Variants in IL4I1 observed in about 807,000 individuals in gnomAD.
The protein encoded by IL4I1 is interleukin 4 induced 1, also known as L-amino-acid oxidase.
A neutral mutation model predicts 29.7 loss-of-function variants in IL4I1; 24 were observed. The observed-to-expected ratio is 0.81, with a 90% CI of 0.59 to 1.14. IL4I1 has a LOEUF of 1.14. Among genes scored for constraint, IL4I1 ranks in the 50% most tolerant of loss-of-function variants. The pLI, the probability that IL4I1 is intolerant of heterozygous loss-of-function variation, is 0.00. For synonymous variants in IL4I1, 371 were observed against 352.5 expected (o/e 1.05, Z -0.59); for missense variants, 686 against 785.6 (o/e 0.87, Z 1.52).
In IL4I1 at chr19:49,890,964, C is replaced by CCCCCCCCCCCCCCCCCCCT; in HGVS notation, c.773+6_773+7insAGGGGGGGGGGGGGGGGGG. ...CCCCCCCCCTGCCCGCCAGCCCCGC[C>CCCCCCCCCCCCCCCCCCCT]CCTTACTGGAGTCTGTCGCTGAGGC... On this transcript the variant is annotated splice_region_variant and intron_variant, in intron 7 of 7. Coordinates refer to ENST00000391826, the MANE Select transcript of IL4I1 (RefSeq NM_152899.2). 6.6e-7 allele frequency: 1 copy of CCCCCCCCCCCCCCCCCCCT among 1,513,536 alleles called. No homozygotes were observed. The highest frequency in any genetic ancestry group is 8.9e-7 in the Non-Finnish European group (1 of 1,127,920). 93.8% of individuals were successfully genotyped at this position (1,513,536 alleles called of 1,614,324 possible).
At chr19:49,917,231 C>T (rs187146347) in intron 2 of IL4I1, among the ~76,000 whole-genome samples, 76 of 152,332 alleles carry the variant, frequency 5.0e-4, no homozygotes, top group Admixed American at 5.0e-3. Flanking sequence ...CCTGCTGAGG[C>T]TCAGACGCCG....
chr19:49,927,197 GGGGAAACTGAGGCACA>G (rs1457449555), intron 2 of IL4I1, among the ~76,000 whole-genome samples: 13 of 152,144 alleles, frequency 8.5e-5, no homozygotes, highest in African/African-American at 3.1e-4. Flanking sequence ...TCGTACCACA[GGGGAAACTGAGGCACA>G]GGGAAGGGAA....
intron 6 of IL4I1, 49 bp downstream of exon 6, chr19:49,891,356 G>A (rs1324576077): frequency 1.3e-6 from 2 of 1,585,124 alleles, no homozygotes; most frequent in Non-Finnish European, 1.7e-6. Flanking sequence ...AAGGCCTCAT[G>A]GTCACTCTCT....
At chr19:49,918,246 G>T (rs541267031) in intron 2 of IL4I1, among the ~76,000 whole-genome samples, 1 of 152,120 alleles carries the variant, frequency 6.6e-6, no homozygotes, top group South Asian at 2.1e-4. Flanking sequence ...TCGATTTTTT[G>T]TAGAGATGGG....
In IL4I1 at chr19:49,904,545, C is replaced by T. The variant is rs572092539; in HGVS notation, c.-227-224G>A. ...TCCTTTGGGGTATGGGAAGAAAATG[C>T]AGAACTTAAAATTTTTTTTTTGAGA... On this transcript the variant is annotated intron_variant, in intron 2 of 9. Coordinates refer to the IL4I1 transcript ENST00000341114. 4.3e-4 allele frequency among the ~76,000 whole-genome samples: 65 copies of T among 152,090 alleles called. 1 individual carries two copies. Among genetic ancestry groups the T allele is most frequent in the Admixed American group, 3.9e-3 (60 of 15,260 alleles).
intron 2 of IL4I1, among the ~76,000 whole-genome samples, chr19:49,916,161 A>T (rs531591462): frequency 2.8e-4 from 42 of 152,290 alleles, no homozygotes; most frequent in African/African-American, 9.9e-4. Context: ...GGGAAACCAG[A>T]GCTTTCCAGG....
At chr19:49,906,070 C>T (rs1033765350) in intron 2 of IL4I1, among the ~76,000 whole-genome samples, 2 of 152,158 alleles carry the variant, frequency 1.3e-5, no homozygotes, top group African/African-American at 2.4e-5. Flanking sequence ...TAGGACCATT[C>T]CAGTCCATAG....
intron 3 of IL4I1, among the ~76,000 whole-genome samples, chr19:49,902,154 C>T (rs2075277105): frequency 6.6e-6 from 1 of 152,048 alleles, no homozygotes; most frequent in South Asian, 2.1e-4. Context: ...TACAGGCCAC[C>T]ATGCCCAGCT....
intron 2 of IL4I1, among the ~76,000 whole-genome samples, chr19:49,925,636 G>A (rs746540188): frequency 5.9e-5 from 9 of 152,198 alleles, no homozygotes; most frequent in Admixed American, 1.3e-4. Flanking sequence ...GCGGAGCCAT[G>A]ATGCCTAAAT....
chr19:49,892,067 C>G (rs2075146764), intron 5 of IL4I1, among the ~76,000 whole-genome samples: 1 of 151,538 alleles, frequency 6.6e-6, no homozygotes, highest in Non-Finnish European at 1.5e-5. Context: ...CCCTGCTAGC[C>G]CCTCAATGTC....
chr19:49,912,414 T>C (rs970712365), intron 2 of IL4I1, among the ~76,000 whole-genome samples: 3 of 152,028 alleles, frequency 2.0e-5, no homozygotes, highest in Non-Finnish European at 2.9e-5. Context: ...GGTGATCCGC[T>C]TGCCTCGGCC....
chr19:49,894,200 C>T lies in IL4I1; in HGVS notation c.567+68G>A, dbSNP rs1038722028. Reference sequence around the variant, plus strand: ...AAGGGATGCCAGAGAGAAGAAAAGCCGGGCCGGGGCGAGCTTAGGAGGAGG... The same window carrying T: ...AAGGGATGCCAGAGAGAAGAAAAGCTGGGCCGGGGCGAGCTTAGGAGGAGG... On this transcript the variant is annotated intron_variant, in intron 5 of 7. Coordinates refer to ENST00000391826, the MANE Select transcript of IL4I1 (RefSeq NM_152899.2). 1.5e-5 allele frequency: 22 copies of T among 1,483,174 alleles called. No individual in the cohort carries two copies. In the Middle Eastern group the frequency reaches 5.9e-4, roughly 40 times the overall value. 91.9% of individuals were successfully genotyped at this position (1,483,174 alleles called of 1,614,324 possible). A position where few individuals can be genotyped will look rare whatever the true frequency, so the allele number is the denominator to read the frequency against.
At chr19:49,890,929 G>GCCCGCCCCC in intron 7 of IL4I1, 42 bp downstream of exon 7, 1 of 454,452 alleles carries the variant, frequency 2.2e-6, no homozygotes, top group Non-Finnish European at 3.5e-6. Context: ...TTCCCTGATT[G>GCCCGCCCCC]CCCCCCGCCC....
At chr19:49,927,857 G>C (rs985666273) in intron 1 of IL4I1, 2 of 152,308 alleles carry the variant, frequency 1.3e-5, no homozygotes, top group South Asian at 2.1e-4. Context: ...GGCTGGTGGA[G>C]GAGGGCCCAG....
intron 5 of IL4I1, among the ~76,000 whole-genome samples, chr19:49,892,077 C>CTTTTTTT (rs773013384): frequency 8.3e-6 from 1 of 120,186 alleles, no homozygotes; most frequent in African/African-American, 3.3e-5. Flanking sequence ...CCCTCAATGT[C>CTTTTTTT]TTTTTTTTTT....
chr19:49,908,308 C>T (rs747104113), intron 2 of IL4I1: 1 of 1,614,112 alleles, frequency 6.2e-7, no homozygotes, highest in Non-Finnish European at 8.5e-7. Flanking sequence ...TGGTCACCTC[C>T]TCCACCTTCC....
At chr19:49,920,443 C>T (rs895834109) in intron 2 of IL4I1, among the ~76,000 whole-genome samples, 5 of 152,182 alleles carry the variant, frequency 3.3e-5, no homozygotes, top group Non-Finnish European at 7.3e-5. Context: ...GGCTGCACAA[C>T]TCTGTCAACG....
chr19:49,916,393 G>C (rs1282276873), intron 2 of IL4I1, among the ~76,000 whole-genome samples: 4 of 144,400 alleles, frequency 2.8e-5, no homozygotes, highest in African/African-American at 5.2e-5. Context: ...TCGCTCTGTC[G>C]CCCAGGCTGG....
intron 2 of IL4I1, chr19:49,908,014 GAAAGCCACA>G (rs2075361896): frequency 2.2e-6 from 2 of 910,014 alleles, no homozygotes; most frequent in Non-Finnish European, 3.2e-6. Flanking sequence ...ATACTCAAAT[GAAAGCCACA>G]GAAGCCACAC....
Sources: allele counts gnomAD v4.1 joint callset (sites outside exome capture counted in the v4.1 genomes callset), GRCh38; gene constraint gnomAD v4.1.1; transcripts MANE v1.5; gene names NCBI Gene and HGNC (gene_info 2026-07-23, HGNC 2026-07-21).